KCNT2: variants seen among roughly 807,000 people sequenced by gnomAD.
The protein encoded by KCNT2 is potassium channel subfamily T member 2.
KCNT2 carries 67 observed loss-of-function variants against 153.8 expected under a neutral mutation model. The observed-to-expected ratio is 0.44, with a 90% CI of 0.36 to 0.53. The LOEUF (loss-of-function observed/expected upper bound fraction) is 0.53. KCNT2 is among the 20% of genes least tolerant of loss of function. The pLI is 0.00. For synonymous variants in KCNT2, 500 were observed against 458.8 expected (o/e 1.09, Z -1.15); for missense variants, 975 against 1,354.8 (o/e 0.72, Z 4.40).
intron 22 of KCNT2, among the ~76,000 whole-genome samples, chr1:196,300,566 A>C (rs1661089878): frequency 6.6e-6 from 1 of 152,036 alleles, no homozygotes; most frequent in South Asian, 2.1e-4. Flanking sequence ...GAAGACAAAG[A>C]GATGCCAAGA....
chr1:196,487,409 AGTGT>A lies in KCNT2; in HGVS notation c.275+2425_275+2428del, dbSNP rs56943556. On this transcript the variant is annotated intron_variant, in intron 3 of 27. Transcript: ENST00000294725. ...ACATATAGTACCTACCATGTTATGG[AGTGT>A]GTGTGTGTGTGTGTGTGTGTGTATG... 9.5e-4 allele frequency among the ~76,000 whole-genome samples: 139 copies of A among 146,540 alleles called. 1 individual carries two copies. Among genetic ancestry groups the A allele is most frequent in the African/African-American group, 3.3e-3 (131 of 40,294 alleles).
Position 196,565,461 on chromosome 1 carries a change from C to T in KCNT2, c.95+42754G>A, listed in dbSNP as rs922652047. On this transcript the variant is annotated intron_variant, in intron 1 of 27. Coordinates refer to ENST00000294725, the MANE Select transcript of KCNT2 (RefSeq NM_198503.5). ...ATACATCCAAAGGAAAATAAAATAA[C>T]GTGTTGAAAAAATACCTGCACTACT... 1.1e-4 allele frequency among the ~76,000 whole-genome samples: 17 copies of T among 151,732 alleles called. No individual in the cohort carries two copies. The East Asian group carries it at 2.5e-3, about 22-fold the overall frequency.
chr1:196,425,662 T>A lies in KCNT2; in HGVS notation c.1121+190A>T, dbSNP rs368795480. Among the ~76,000 whole-genome samples, 4 of 151,738 alleles carry A rather than the reference T, an allele frequency of 2.6e-5. No individual in the cohort carries two copies. In the East Asian group the frequency reaches 7.8e-4, roughly 30 times the overall value. ...TTGAGATGAGGCTGAAAAAGAGGAG[T>A]AAACACACTGATTTTATGATATATT... On this transcript the variant is annotated intron_variant, in intron 11 of 27. Transcript: ENST00000294725.
chr1:196,489,052 A>G (rs1679656007), intron 3 of KCNT2, among the ~76,000 whole-genome samples: 1 of 151,946 alleles, frequency 6.6e-6, no homozygotes, highest in South Asian at 2.1e-4. Context: ...AGCAAGTCAA[A>G]AAAGTGTGGG....
chr1:196,409,037 T>C (rs185685734), intron 12 of KCNT2, among the ~76,000 whole-genome samples: 3 of 150,382 alleles, frequency 2.0e-5, no homozygotes, highest in African/African-American at 7.3e-5. Flanking sequence ...ATATTGAGGG[T>C]TTTTTTTTAT....
chr1:196,236,561 T>G (rs1035232850), intron 26 of KCNT2, among the ~76,000 whole-genome samples: 7 of 151,536 alleles, frequency 4.6e-5, no homozygotes, highest in African/African-American at 1.7e-4. Flanking sequence ...TGTGTTTGGC[T>G]TCACTACATG....
intron 14 of KCNT2, among the ~76,000 whole-genome samples, chr1:196,353,553 T>A (rs996068219): frequency 6.6e-6 from 1 of 152,006 alleles, no homozygotes; most frequent in African/African-American, 2.4e-5. Flanking sequence ...GTTTCCAAGG[T>A]AAAGATATTA....
intron 1 of KCNT2, among the ~76,000 whole-genome samples, chr1:196,578,001 G>A (rs1661572631): frequency 6.6e-6 from 1 of 151,534 alleles, no homozygotes; most frequent in Non-Finnish European, 1.5e-5. Flanking sequence ...TTTTTATTAG[G>A]AAAACCAGGC....
chr1:196,524,781 T>C (rs1323148469), intron 1 of KCNT2, among the ~76,000 whole-genome samples: 1 of 152,210 alleles, frequency 6.6e-6, no homozygotes, highest in African/African-American at 2.4e-5. Context: ...TCCCAAGCTA[T>C]CAAATTTTCA....
intron 13 of KCNT2, among the ~76,000 whole-genome samples, chr1:196,381,567 T>A (rs1323020520): frequency 6.6e-6 from 1 of 152,202 alleles, no homozygotes; most frequent in East Asian, 1.9e-4. Context: ...GTAACTTGGC[T>A]GAATTTATTA....
intron 1 of KCNT2, among the ~76,000 whole-genome samples, chr1:196,520,606 A>C (rs1459989986): frequency 6.6e-6 from 1 of 152,118 alleles, no homozygotes; most frequent in Non-Finnish European, 1.5e-5. Flanking sequence ...AGACACACAG[A>C]CCAATGAAAC....
intron 8 of KCNT2, among the ~76,000 whole-genome samples, chr1:196,442,525 G>A (rs367742671): frequency 1.3e-5 from 2 of 151,670 alleles, no homozygotes; most frequent in Non-Finnish European, 3.0e-5. Context: ...AGGCCCCAGA[G>A]TTATGACTTC....
At chr1:196,479,789 A>C (rs1678855330) in intron 4 of KCNT2, among the ~76,000 whole-genome samples, 1 of 152,234 alleles carries the variant, frequency 6.6e-6, no homozygotes, top group South Asian at 2.1e-4. Flanking sequence ...AAGCATGACC[A>C]TCTGTACCAA....
chr1:196,490,399 T>A (rs1049208247), intron 2 of KCNT2, among the ~76,000 whole-genome samples: 1 of 149,440 alleles, frequency 6.7e-6, no homozygotes, highest in African/African-American at 2.4e-5. Flanking sequence ...ATTATATTTG[T>A]ATAGTTCTAT....
intron 5 of KCNT2, among the ~76,000 whole-genome samples, chr1:196,469,277 A>C (rs2148669546): frequency 6.6e-6 from 1 of 152,302 alleles, no homozygotes; most frequent in East Asian, 1.9e-4. Context: ...AAGAAGTAAA[A>C]CAAATGTTTG....
At chr1:196,285,869 G>T in intron 22 of KCNT2, 111 bp from the exon 23 acceptor site, 2 of 657,160 alleles carry the variant, frequency 3.0e-6, no homozygotes, top group African/African-American at 1.8e-5. Flanking sequence ...ATGGTTCTTA[G>T]CTATAAATGT....
intron 3 of KCNT2, among the ~76,000 whole-genome samples, chr1:196,482,681 C>G (rs548247032): frequency 2.6e-5 from 4 of 151,652 alleles, no homozygotes; most frequent in African/African-American, 9.7e-5. Context: ...AATTCTACAC[C>G]GAAAAGTCAT....
intron 1 of KCNT2, among the ~76,000 whole-genome samples, chr1:196,603,147 G>A (rs1351787978): frequency 6.6e-6 from 1 of 151,972 alleles, no homozygotes; most frequent in African/African-American, 2.4e-5. Context: ...CCTTATTTGT[G>A]GATATTTTTC....
intron 1 of KCNT2, among the ~76,000 whole-genome samples, chr1:196,568,981 A>G (rs1233400766): frequency 6.6e-6 from 1 of 152,172 alleles, no homozygotes; most frequent in Non-Finnish European, 1.5e-5. Context: ...ATAATCCAGG[A>G]CAATGGATGA....
Sources: gnomAD v4.1 joint callset for allele counts (sites outside exome capture counted in the v4.1 genomes callset) on GRCh38, gnomAD v4.1.1 for gene constraint, MANE v1.5 for transcripts, NCBI Gene and HGNC (gene_info 2026-07-23, HGNC 2026-07-21) for gene names.